SV2B: variants seen among roughly 807,000 people sequenced by gnomAD.
SV2B encodes the protein synaptic vesicle glycoprotein 2B.
A neutral mutation model predicts 73.9 loss-of-function variants in SV2B; 41 were observed. The observed-to-expected ratio is 0.56, with a 90% CI of 0.43 to 0.72. The LOEUF (loss-of-function observed/expected upper bound fraction) is 0.72. SV2B is among the 30% of genes least tolerant of loss of function. The probability of loss-of-function intolerance (pLI) is 0.00; values close to 1 mark genes in which losing one functional copy is unlikely to be tolerated. For missense variants in SV2B, 764 were observed against 857.8 expected (o/e 0.89, Z 1.37); for synonymous variants, 314 against 314.2 (o/e 1.00, Z 0.01).
At chr15:91,187,428 A>T (rs2044816188) in intron 1 of SV2B, among the ~76,000 whole-genome samples, 3 of 152,224 alleles carry the variant, frequency 2.0e-5, no homozygotes, top group Non-Finnish European at 2.9e-5. Flanking sequence ...CCAGCATGTG[A>T]AAGTAGCAGG....
intron 1 of SV2B, among the ~76,000 whole-genome samples, chr15:91,180,005 T>A (rs1009035283): frequency 1.2e-4 from 18 of 152,018 alleles, no homozygotes; most frequent in African/African-American, 3.9e-4. Flanking sequence ...CTTTACATTT[T>A]GGCATGATTT....
At chr15:91,157,912 T>C (rs1459943745) in intron 1 of SV2B, among the ~76,000 whole-genome samples, 1 of 152,228 alleles carries the variant, frequency 6.6e-6, no homozygotes, top group African/African-American at 2.4e-5. Flanking sequence ...TAGCTCCACC[T>C]AGAGAGTTCC....
intron 2 of SV2B, among the ~76,000 whole-genome samples, chr15:91,235,549 G>A (rs1279618214): frequency 6.6e-6 from 1 of 151,628 alleles, no homozygotes; most frequent in Non-Finnish European, 1.5e-5. Context: ...ACCACCGGGG[G>A]TTAAAAAAAA....
intron 1 of SV2B, among the ~76,000 whole-genome samples, chr15:91,216,886 CTT>C (rs557223668): frequency 1.8e-4 from 23 of 126,546 alleles, no homozygotes; most frequent in South Asian, 5.0e-4. Context: ...GAATAACTAC[CTT>C]TTTTTTTTTT....
chr15:91,156,792 C>G (rs1472360091), intron 1 of SV2B, among the ~76,000 whole-genome samples: 2 of 152,234 alleles, frequency 1.3e-5, no homozygotes, highest in Non-Finnish European at 2.9e-5. Context: ...TGGAAAACCT[C>G]CAGGGTGCAG....
chr15:91,213,094 A>G (rs368463269), intron 1 of SV2B, among the ~76,000 whole-genome samples: 15 of 152,214 alleles, frequency 9.9e-5, no homozygotes, highest in African/African-American at 3.6e-4. Flanking sequence ...TGGAGGTTGC[A>G]GTGAACTGAG....
chr15:91,211,496 T>G (rs145179730), intron 1 of SV2B, among the ~76,000 whole-genome samples: 112 of 151,086 alleles, frequency 7.4e-4, no homozygotes, highest in South Asian at 1.3e-3. Flanking sequence ...TGCTGCTGCT[T>G]CTTCTTCTTC....
chr15:91,168,600 A>T (rs909202770), intron 1 of SV2B, among the ~76,000 whole-genome samples: 3 of 152,146 alleles, frequency 2.0e-5, no homozygotes, highest in African/African-American at 4.8e-5. Context: ...AGATTTTTCC[A>T]TCTGTGCCTG....
In SV2B at chr15:91,292,621, GC is replaced by G. The variant is rs969259250; in HGVS notation, c.*71del. 8 of 1,539,792 alleles carry G rather than the reference GC, an allele frequency of 5.2e-6. No individual in the cohort carries two copies. In the African/African-American group the frequency reaches 8.3e-5, roughly 16 times the overall value. ...ACACTGAAATGCATCCACACTTCCT[GC>G]CTATCACGGTCCGGAGGACACCTTG... On this transcript the variant is annotated 3_prime_UTR_variant, in exon 13 of 13. Coordinates refer to ENST00000394232, the MANE Select transcript of SV2B (RefSeq NM_001323032.3).
At chr15:91,212,571 G>T (rs1283663467) in intron 1 of SV2B, among the ~76,000 whole-genome samples, 1 of 152,154 alleles carries the variant, frequency 6.6e-6, no homozygotes, top group Non-Finnish European at 1.5e-5. Context: ...ACAGGGATAT[G>T]TTCAGTTGTT....
intron 9 of SV2B, among the ~76,000 whole-genome samples, chr15:91,273,546 A>G (rs2048385696): frequency 6.6e-6 from 1 of 152,040 alleles, no homozygotes; most frequent in Non-Finnish European, 1.5e-5. Context: ...ACCCCTGTTG[A>G]GTTTTGGATA....
Position 91,145,021 on chromosome 15 carries a change from G to A in SV2B, c.-392+44658G>A, listed in dbSNP as rs145620238. On this transcript the variant is annotated intron_variant, in intron 1 of 12. Transcript: ENST00000394232. ...TTATTTTAAGTTCAGGGGTACATGC[G>A]CAGGTCTGTTATACAGGTAAACTTG... 1.9e-4 allele frequency among the ~76,000 whole-genome samples: 29 copies of A among 151,972 alleles called. No homozygotes were observed. The East Asian group carries it at 4.1e-3, about 21-fold the overall frequency.
At chr15:91,206,023 G>T (rs945834897) in intron 1 of SV2B, among the ~76,000 whole-genome samples, 4 of 150,442 alleles carry the variant, frequency 2.7e-5, no homozygotes, top group Non-Finnish European at 6.0e-5. Context: ...TTGTTGTTGT[G>T]GTGGTGGTGG....
chr15:91,143,251 C>T (rs1298250339), intron 1 of SV2B, among the ~76,000 whole-genome samples: 1 of 152,158 alleles, frequency 6.6e-6, no homozygotes, highest in Non-Finnish European at 1.5e-5. Flanking sequence ...AAGGCATTTT[C>T]AAAATACAGA....
In SV2B at chr15:91,267,588, C is replaced by T. The variant is rs369487799; in HGVS notation, c.1153C>T (p.Pro385Ser). Reference sequence around the variant, plus strand: ...TAATGCCCTGTACTGTGTGATGGGGCCCTACAGAATGAATACACTGATTCT... The same window carrying T: ...TAATGCCCTGTACTGTGTGATGGGGTCCTACAGAATGAATACACTGATTCT... ...WDNALYCVMG[P>S]YRMNTLILAV... The change falls in exon 8 of 13, where the codon CCC becomes TCC. Residue 385 changes from proline to serine, a missense_variant. Coordinates refer to ENST00000394232, the MANE Select transcript of SV2B (RefSeq NM_001323032.3). This position sits in a 1 kb window ranked among gnomAD's most constrained non-coding sequence, Gnocchi z 4.3. 1 of 1,613,376 alleles carries T rather than the reference C, an allele frequency of 6.2e-7. No individual in the cohort carries two copies.
rs1272992440 is a variant in SV2B, at chr15:91,261,373, T to G, written c.1008+964T>G. On this transcript the variant is annotated intron_variant, in intron 6 of 12. Coordinates refer to ENST00000394232, the MANE Select transcript of SV2B (RefSeq NM_001323032.3). The surrounding 1 kb of genome is among the most constrained non-coding windows in gnomAD (Gnocchi z 4.7). Reference sequence around the variant, plus strand: ...TAGCACTCATTATTGTTTTATATGCTGTCTCCTAGTATTCATAATCATCAT... The same window carrying G: ...TAGCACTCATTATTGTTTTATATGCGGTCTCCTAGTATTCATAATCATCAT... Among the ~76,000 whole-genome samples, 2 of 152,254 alleles carry G rather than the reference T, an allele frequency of 1.3e-5. No homozygotes were observed. Among genetic ancestry groups the G allele is most frequent in the Non-Finnish European group, 2.9e-5 (2 of 68,044 alleles).
intron 9 of SV2B, among the ~76,000 whole-genome samples, chr15:91,270,125 G>C (rs998860162): frequency 2.0e-5 from 3 of 152,182 alleles, no homozygotes; most frequent in Non-Finnish European, 4.4e-5. Flanking sequence ...TGGATGACTA[G>C]ATGTCACCCA....
chr15:91,226,810 A>C, intron 2 of SV2B, 96 bp downstream of exon 2: 1 of 1,403,056 alleles, frequency 7.1e-7, no homozygotes, highest in South Asian at 1.4e-5. Context: ...AATATATCAC[A>C]ATGTACCCAT....
chr15:91,289,788 C>A lies in SV2B; in HGVS notation c.1868+108C>A. 1 of 1,244,868 alleles carries A rather than the reference C, an allele frequency of 8.0e-7. No homozygotes were observed. 77.1% of individuals were successfully genotyped at this position (1,244,868 alleles called of 1,614,324 possible). On this transcript the variant is annotated intron_variant, in intron 12 of 12. Coordinates refer to ENST00000394232, the MANE Select transcript of SV2B (RefSeq NM_001323032.3). This position sits in a 1 kb window ranked among gnomAD's most constrained non-coding sequence, Gnocchi z 4.9. ...GTGCATGGCCATCGTGGTCTTTCTG[C>A]TGTTCCGTGAAACAAACATCTTTTA...
Sources: allele counts gnomAD v4.1 joint callset (sites outside exome capture counted in the v4.1 genomes callset), GRCh38; gene constraint gnomAD v4.1.1; non-coding constraint Gnocchi (gnomAD v3.1); transcripts MANE v1.5; gene names NCBI Gene and HGNC (gene_info 2026-07-23, HGNC 2026-07-21).